Variants in KPNA6 observed in about 807,000 individuals in gnomAD.
KPNA6 encodes the protein karyopherin subunit alpha 6.
A neutral mutation model predicts 72.0 loss-of-function variants in KPNA6; 9 were observed. That is an observed-to-expected ratio of 0.13 (90% confidence interval 0.08 to 0.22). The LOEUF (loss-of-function observed/expected upper bound fraction) is 0.22, where lower values mean the gene tolerates loss of function less well. KPNA6 is among the 10% of genes least tolerant of loss of function. KPNA6 has a pLI of 1.00. For missense variants in KPNA6, 374 were observed against 655.7 expected, an observed-to-expected ratio of 0.57 and a Z score of 4.69; for synonymous variants, 219 against 242.1, an observed-to-expected ratio of 0.90 and a Z score of 0.89.
At chr1:32,129,864 C>T (rs1641605972) in intron 1 of KPNA6, among the ~76,000 whole-genome samples, 1 of 152,142 alleles carries the variant, frequency 6.6e-6, no homozygotes, top group Non-Finnish European at 1.5e-5. Context: ...AGCATTGACA[C>T]TCCTGGGAGC....
intron 1 of KPNA6, among the ~76,000 whole-genome samples, chr1:32,108,598 C>T (rs1255325617): frequency 1.3e-5 from 2 of 152,206 alleles, no homozygotes; most frequent in Non-Finnish European, 2.9e-5. Context: ...GTGGAGTCCT[C>T]TAGTGAGGGG....
chr1:32,122,408 A>G (rs935437268), intron 1 of KPNA6, among the ~76,000 whole-genome samples: 4 of 151,556 alleles, frequency 2.6e-5, no homozygotes, highest in Admixed American at 6.6e-5. Context: ...GAAAATGTCT[A>G]GTGAATTTAG....
chr1:32,135,213 A>G (rs1296213463), intron 1 of KPNA6, among the ~76,000 whole-genome samples: 1 of 152,092 alleles, frequency 6.6e-6, no homozygotes, highest in African/African-American at 2.4e-5. Context: ...GATTACAGGC[A>G]TGCACCACCA....
Position 32,144,992 on chromosome 1 carries a change from G to C in KPNA6, c.5-9596G>C, listed in dbSNP as rs529591831. Reference sequence around the variant, plus strand: ...TCTTGAGATGGAATCTCACACTGTCGCCCAGGCTGAAGTGCAGTGGCGCGA... The same window carrying C: ...TCTTGAGATGGAATCTCACACTGTCCCCCAGGCTGAAGTGCAGTGGCGCGA... On this transcript the variant is annotated intron_variant, in intron 1 of 13. Transcript: ENST00000373625. Among the ~76,000 whole-genome samples the C allele has an allele frequency of 5.0e-5, 7 of 138,744 alleles. 1 individual carries two copies. The highest frequency in any genetic ancestry group is 1.9e-4 in the African/African-American group (7 of 36,690). The allele number at this position is 138,744 out of a possible 152,430, so 91.0% of individuals were successfully genotyped here. A position where few individuals can be genotyped will look rare whatever the true frequency, so the allele number is the denominator to read the frequency against.
At chr1:32,123,252 C>T (rs1220393493) in intron 1 of KPNA6, among the ~76,000 whole-genome samples, 1 of 152,032 alleles carries the variant, frequency 6.6e-6, no homozygotes, top group East Asian at 1.9e-4. Context: ...TCCAGTGTTT[C>T]CGGGCGTGGT....
chr1:32,161,000 A>G (rs1642227984), intron 7 of KPNA6, among the ~76,000 whole-genome samples: 1 of 152,166 alleles, frequency 6.6e-6, no homozygotes, highest in South Asian at 2.1e-4. Flanking sequence ...TACAAAAAAT[A>G]CAAAAGTTAG....
rs185711744 is a variant in KPNA6 at position 32,109,414 on chromosome 1, C to G, written c.4+1280C>G. Among the ~76,000 whole-genome samples the G allele has an allele frequency of 5.4e-3, 815 of 152,064 alleles. 3 individuals carry two copies. The highest frequency in any genetic ancestry group is 0.019 in the African/African-American group (773 of 41,476). On this transcript the variant is annotated intron_variant, in intron 1 of 13. Coordinates refer to ENST00000373625, the MANE Select transcript of KPNA6 (RefSeq NM_012316.5). ...CTCGAACCCCTGACCTCAAGTGATT[C>G]GCCTGCCTCGGCCTCCCAAAGTGCT...
At chr1:32,110,997 A>G (rs1186872840) in intron 1 of KPNA6, among the ~76,000 whole-genome samples, 1 of 152,142 alleles carries the variant, frequency 6.6e-6, no homozygotes, top group Non-Finnish European at 1.5e-5. Context: ...CCTTTCCCTT[A>G]AGCACTCTGG....
intron 1 of KPNA6, among the ~76,000 whole-genome samples, chr1:32,111,309 A>G (rs1641240129): frequency 6.6e-6 from 1 of 152,238 alleles, no homozygotes; most frequent in Non-Finnish European, 1.5e-5. Flanking sequence ...CAGCACATAA[A>G]TCTATAAGAC....
rs560840820 is a variant in KPNA6 at position 32,131,217 on chromosome 1, C to A, written c.4+23083C>A. Among the ~76,000 whole-genome samples the A allele has an allele frequency of 2.0e-5, 3 of 152,310 alleles. No homozygotes were observed. In the East Asian group the frequency reaches 5.8e-4, roughly 29 times the overall value. On this transcript the variant is annotated intron_variant, in intron 1 of 13. Transcript: ENST00000373625. ...GCCGAGGCAGGAGAATCACTGGAAC[C>A]TGGAAGGTGGAGGTTGCAGTGAGCC...
intron 1 of KPNA6, among the ~76,000 whole-genome samples, chr1:32,119,028 A>ATTT (rs1197600051): frequency 3.5e-4 from 22 of 63,184 alleles, no homozygotes; most frequent in African/African-American, 7.1e-4. Flanking sequence ...ATATATATAT[A>ATTT]TATATTTTTT....
chr1:32,145,794 C>T (rs577554390), intron 1 of KPNA6, among the ~76,000 whole-genome samples: 1 of 152,296 alleles, frequency 6.6e-6, no homozygotes, highest in South Asian at 2.1e-4. Flanking sequence ...TATGCTTATC[C>T]TTATGCCAGT....
At chr1:32,125,604 G>A (rs536438420) in intron 1 of KPNA6, among the ~76,000 whole-genome samples, 2 of 152,256 alleles carry the variant, frequency 1.3e-5, no homozygotes, top group African/African-American at 4.8e-5. Context: ...AGATTTTGTT[G>A]GGTAAGGTTG....
At chr1:32,116,923 A>T (rs1641337298) in intron 1 of KPNA6, among the ~76,000 whole-genome samples, 1 of 152,148 alleles carries the variant, frequency 6.6e-6, no homozygotes, top group Admixed American at 6.6e-5. Context: ...GAGCAGTCAG[A>T]TCATACACAG....
In KPNA6 at chr1:32,119,538, C is replaced by T. The variant is rs1283643371; in HGVS notation, c.4+11404C>T. Among the ~76,000 whole-genome samples the T allele has an allele frequency of 5.3e-5, 8 of 152,210 alleles. No individual in the cohort carries two copies. In the South Asian group the frequency reaches 6.2e-4, roughly 12 times the overall value. ...CAGTGGTTAACAAAACAGACAAAAC[C>T]TCTTTCTGGTGAAGTCCCAGATTTT... On this transcript the variant is annotated intron_variant, in intron 1 of 13. Coordinates refer to ENST00000373625, the MANE Select transcript of KPNA6 (RefSeq NM_012316.5).
intron 1 of KPNA6, among the ~76,000 whole-genome samples, chr1:32,152,717 C>T (rs538876027): frequency 2.0e-4 from 31 of 151,526 alleles, no homozygotes; most frequent in Middle Eastern, 3.2e-3. Flanking sequence ...TGGTGGCGGG[C>T]GCCTGTAGTC....
intron 1 of KPNA6, among the ~76,000 whole-genome samples, chr1:32,147,549 T>C (rs1483802740): frequency 1.3e-5 from 2 of 151,964 alleles, no homozygotes; most frequent in Non-Finnish European, 2.9e-5. Context: ...CGTCTGGCCT[T>C]GTCCTCCCAA....
intron 1 of KPNA6, among the ~76,000 whole-genome samples, chr1:32,139,708 G>A (rs896217536): frequency 2.0e-5 from 3 of 152,176 alleles, no homozygotes; most frequent in African/African-American, 7.2e-5. Flanking sequence ...GTGATCAGAT[G>A]TTGGATAATG....
intron 10 of KPNA6, among the ~76,000 whole-genome samples, chr1:32,165,694 C>T (rs1414737638): frequency 2.0e-5 from 3 of 150,386 alleles, no homozygotes; most frequent in East Asian, 3.9e-4. Flanking sequence ...AAAGTGAGAC[C>T]CTATTTAAAG....
Sources: allele counts gnomAD v4.1 joint callset (sites outside exome capture counted in the v4.1 genomes callset), GRCh38; gene constraint gnomAD v4.1.1; transcripts MANE v1.5; gene names NCBI Gene and HGNC (gene_info 2026-07-23, HGNC 2026-07-21).